The following PLCG2 variants were observed in gnomAD, a reference collection of about 807,000 sequenced individuals.
PLCG2 encodes the protein phospholipase C gamma 2.
Under a neutral mutation model 175.6 loss-of-function variants are expected in PLCG2, and 69 were observed. That is an observed-to-expected ratio of 0.39 (90% CI 0.32 to 0.48). The LOEUF is 0.48. Ranked by LOEUF, PLCG2 falls within the 20% of genes least tolerant of loss-of-function variation. PLCG2 has a pLI of 0.91. For missense variants in PLCG2, 1,798 were observed against 1,650.9 expected (o/e 1.09, Z -1.54); for synonymous variants, 827 against 624.0 (o/e 1.33, Z -4.85).
chr16:81,825,714 A>G (rs1043544846), intron 2 of PLCG2, among the ~76,000 whole-genome samples: 1 of 152,022 alleles, frequency 6.6e-6, no homozygotes, highest in Non-Finnish European at 1.5e-5. Context: ...TAGGAAACAC[A>G]CTCCCACGTA....
upstream of PLCG2, among the ~76,000 whole-genome samples, chr16:81,775,399 C>G (rs368634937): frequency 9.9e-5 from 15 of 152,194 alleles, no homozygotes; most frequent in African/African-American, 3.1e-4. Context: ...AAGGGGCAGA[C>G]TTGGAACTGG....
chr16:81,879,352 T>C (rs1164607773), intron 7 of PLCG2, among the ~76,000 whole-genome samples: 1 of 152,132 alleles, frequency 6.6e-6, no homozygotes, highest in Non-Finnish European at 1.5e-5. Context: ...TAAAAAGAAA[T>C]ACCTATGCTG....
chr16:81,771,835 G>A (rs1229268124), intron 2 of PLCG2, among the ~76,000 whole-genome samples: 1 of 152,150 alleles, frequency 6.6e-6, no homozygotes, highest in Admixed American at 6.5e-5. Context: ...CCAAGCTGGA[G>A]TGCCAGGGCA....
chr16:81,750,894 C>T (rs147842945), intron 1 of PLCG2, among the ~76,000 whole-genome samples: 2,543 of 149,246 alleles, frequency 0.017, 33 homozygotes, highest in Non-Finnish European at 0.028. Context: ...AGGTTGGTCT[C>T]GATCTCCTGA....
At chr16:81,838,042 T>A (rs1324575320) in intron 2 of PLCG2, among the ~76,000 whole-genome samples, 1 of 152,006 alleles carries the variant, frequency 6.6e-6, no homozygotes. Context: ...ACCAATTCCA[T>A]TTCCAAAATT....
At chr16:81,899,939 G>A (rs1353553325) in intron 13 of PLCG2, among the ~76,000 whole-genome samples, 3 of 152,144 alleles carry the variant, frequency 2.0e-5, no homozygotes, top group Non-Finnish European at 2.9e-5. Flanking sequence ...TTTCCCCTTA[G>A]GAGCAATGGC....
At chr16:81,882,326 A>G (rs914284790) in intron 8 of PLCG2, among the ~76,000 whole-genome samples, 2 of 151,824 alleles carry the variant, frequency 1.3e-5, no homozygotes, top group Non-Finnish European at 2.9e-5. Context: ...CCTACCTGAT[A>G]CCTAACCTCT....
chr16:81,919,837 T>C (rs1017077627), intron 20 of PLCG2, among the ~76,000 whole-genome samples, 173 bp downstream of exon 20: 9 of 152,198 alleles, frequency 5.9e-5, no homozygotes, highest in Admixed American at 5.9e-4. Flanking sequence ...GCTTATAGTG[T>C]AGTGTTGGGG....
At chr16:81,789,053 A>AAGCATGGCATGTGTATAC in intron 2 of PLCG2, among the ~76,000 whole-genome samples, 1 of 152,370 alleles carries the variant, frequency 6.6e-6, no homozygotes, top group East Asian at 1.9e-4. Flanking sequence ...ATAGGGTATT[A>AAGCATGGCATGTGTATAC]ACCATGGCAT....
chr16:81,780,173 A>T (rs1464941675), intron 1 of PLCG2, among the ~76,000 whole-genome samples: 2 of 152,104 alleles, frequency 1.3e-5, no homozygotes, highest in Non-Finnish European at 2.9e-5. Context: ...AAGGGGTGAC[A>T]TGGCGCGAGG....
intron 2 of PLCG2, among the ~76,000 whole-genome samples, chr16:81,770,135 A>G (rs1288586790): frequency 6.6e-6 from 1 of 152,072 alleles, no homozygotes; most frequent in Admixed American, 6.5e-5. Flanking sequence ...ATTGATGCAT[A>G]ACAACGCAGA....
intron 2 of PLCG2, among the ~76,000 whole-genome samples, chr16:81,831,652 C>A (rs986789746): frequency 1.3e-5 from 2 of 152,122 alleles, no homozygotes; most frequent in Non-Finnish European, 2.9e-5. Context: ...GTCCAGCAGG[C>A]ATTTGTACCC....
chr16:81,829,087 A>G (rs1905157244), intron 2 of PLCG2, among the ~76,000 whole-genome samples: 1 of 152,038 alleles, frequency 6.6e-6, no homozygotes, highest in Non-Finnish European at 1.5e-5. Flanking sequence ...TCATTCATTA[A>G]TGGGGTAGTT....
intron 2 of PLCG2, among the ~76,000 whole-genome samples, chr16:81,820,088 A>G (rs985696872): frequency 6.6e-6 from 1 of 152,186 alleles, no homozygotes; most frequent in Non-Finnish European, 1.5e-5. Context: ...AAGGATTATG[A>G]TCTTTTAGGT....
upstream of PLCG2, among the ~76,000 whole-genome samples, chr16:81,776,946 G>A (rs986901080): frequency 2.0e-5 from 3 of 152,142 alleles, no homozygotes; most frequent in East Asian, 1.9e-4. Context: ...TCCTTCAGTC[G>A]TTCACCTGGG....
chr16:81,776,905 G>A (rs12925961), upstream of PLCG2, among the ~76,000 whole-genome samples: 92,033 of 151,904 alleles, frequency 0.61, 28,036 homozygotes, highest in South Asian at 0.69. Context: ...AGAGATGAAG[G>A]GCCTCCAGTA....
intron 1 of PLCG2, among the ~76,000 whole-genome samples, chr16:81,751,865 T>C (rs1301548020): frequency 6.6e-6 from 1 of 151,864 alleles, no homozygotes; most frequent in Non-Finnish European, 1.5e-5. Flanking sequence ...CTACTAAAAA[T>C]ATAAACATTA....
chr16:81,755,372 T>TA (rs1909901049), intron 1 of PLCG2, among the ~76,000 whole-genome samples: 1 of 134,572 alleles, frequency 7.4e-6, no homozygotes, highest in Non-Finnish European at 1.5e-5. Flanking sequence ...AATTTTGTAT[T>TA]TTTTTTTTTT....
At chr16:81,748,535 G>C (rs947159094) in intron 1 of PLCG2, among the ~76,000 whole-genome samples, 2 of 152,200 alleles carry the variant, frequency 1.3e-5, no homozygotes, top group Non-Finnish European at 2.9e-5. Flanking sequence ...TCGGAGAGGA[G>C]AACTGGTTTG....
Sources: gnomAD v4.1 joint callset for allele counts (sites outside exome capture counted in the v4.1 genomes callset) on GRCh38, gnomAD v4.1.1 for gene constraint, MANE v1.5 for transcripts, NCBI Gene and HGNC (gene_info 2026-07-23, HGNC 2026-07-21) for gene names.